The following MAPK10 variants were observed in gnomAD, a reference collection of about 807,000 sequenced individuals.
MAPK10 encodes the protein mitogen-activated protein kinase 10.
Under a neutral mutation model 59.3 loss-of-function variants are expected in MAPK10, and 25 were observed. The ratio of observed to expected loss-of-function variants is 0.42; its 90% CI spans 0.31 to 0.59. MAPK10 has a LOEUF of 0.59. Ranked by LOEUF, MAPK10 falls within the 20% of genes least tolerant of loss-of-function variation. MAPK10 has a pLI of 0.15. For synonymous variants in MAPK10, 190 were observed against 200.5 expected, an observed-to-expected ratio of 0.95 and a Z score of 0.44; for missense variants, 351 against 568.9, an observed-to-expected ratio of 0.62 and a Z score of 3.90.
intron 1 of MAPK10, among the ~76,000 whole-genome samples, chr4:86,440,936 TAG>T (rs1749340498): frequency 6.6e-6 from 1 of 152,158 alleles, no homozygotes; most frequent in African/African-American, 2.4e-5. Context: ...AGTATTGCTT[TAG>T]TAATGGGGAA....
At chr4:86,501,026 T>C (rs1480875597) in intron 1 of MAPK10, among the ~76,000 whole-genome samples, 2 of 145,610 alleles carry the variant, frequency 1.4e-5, no homozygotes, top group African/African-American at 5.1e-5. Flanking sequence ...GGTAAAAACA[T>C]GATACTTTGG....
chr4:86,284,423 C>G (rs375590185), intron 2 of MAPK10, among the ~76,000 whole-genome samples: 3 of 152,114 alleles, frequency 2.0e-5, no homozygotes, highest in African/African-American at 4.8e-5. Flanking sequence ...TTCCTCTGAA[C>G]GACTTCCATT....
chr4:86,044,598 A>G, intron 11 of MAPK10: 1 of 394,892 alleles, frequency 2.5e-6, no homozygotes. Context: ...TGATTTCTGG[A>G]CAGATATATC....
At chr4:86,256,855 T>C (rs1036078620) in intron 2 of MAPK10, among the ~76,000 whole-genome samples, 18 of 150,432 alleles carry the variant, frequency 1.2e-4, no homozygotes, top group African/African-American at 1.7e-4. Context: ...ATTCTCCTGC[T>C]TCAGCCTCCC....
intron 2 of MAPK10, among the ~76,000 whole-genome samples, chr4:86,201,768 C>T (rs917802758): frequency 7.9e-5 from 12 of 151,804 alleles, no homozygotes; most frequent in Admixed American, 3.3e-4. Context: ...CCCAGGTTCA[C>T]AGAGATATTC....
chr4:86,492,157 A>G (rs186437259), intron 1 of MAPK10, among the ~76,000 whole-genome samples: 1 of 152,216 alleles, frequency 6.6e-6, no homozygotes, highest in African/African-American at 2.4e-5. Context: ...TAAGGGTAAG[A>G]GAAGTAAGAA....
chr4:86,519,755 AG>A (rs1414537016), intron 1 of MAPK10, among the ~76,000 whole-genome samples: 2 of 151,962 alleles, frequency 1.3e-5, no homozygotes, highest in African/African-American at 4.8e-5. Flanking sequence ...GGGTATTTTG[AG>A]GTTTTATTTC....
chr4:86,292,138 A>G (rs1002167619), intron 2 of MAPK10, among the ~76,000 whole-genome samples: 2 of 152,214 alleles, frequency 1.3e-5, no homozygotes, highest in Non-Finnish European at 2.9e-5. Flanking sequence ...TATTTGTCTA[A>G]TTATTAGAGT....
intron 9 of MAPK10, among the ~76,000 whole-genome samples, chr4:86,071,506 T>A (rs923212082): frequency 2.1e-5 from 3 of 146,190 alleles, no homozygotes; most frequent in Non-Finnish European, 4.5e-5. Flanking sequence ...GGTTTTCTTC[T>A]AGGGTTTTTA....
At chr4:86,384,197 G>A (rs1049062082) in intron 1 of MAPK10, 1 of 152,138 alleles carries the variant, frequency 6.6e-6, no homozygotes, top group Non-Finnish European at 1.5e-5. Context: ...ACTTTAGAGT[G>A]CCATCTGTGT....
At chr4:86,168,451 G>A (rs142457343) in intron 3 of MAPK10, among the ~76,000 whole-genome samples, 16 of 152,286 alleles carry the variant, frequency 1.1e-4, no homozygotes, top group East Asian at 3.9e-4. Flanking sequence ...ACGGAGTCTC[G>A]CTGATTGCTA....
rs1751723956 is a variant in MAPK10 at position 86,461,335 on chromosome 4, AG to A, written c.-262-106692del. The stretch of plus-strand genomic sequence containing the variant: ...AACTTGAAGTGGATGGGGAAGGCAC[AG>A]GGTCTGGAGGGGCTCCAAGTCACAG... On this transcript the variant is annotated intron_variant, in intron 1 of 4. Transcript: ENST00000502302. 2.0e-5 allele frequency among the ~76,000 whole-genome samples: 3 copies of A among 152,192 alleles called. No homozygotes were observed. In the South Asian group the frequency reaches 6.2e-4, roughly 31 times the overall value.
intron 2 of MAPK10, among the ~76,000 whole-genome samples, chr4:86,343,496 A>G (rs986193273): frequency 2.0e-5 from 3 of 152,168 alleles, no homozygotes; most frequent in Non-Finnish European, 4.4e-5. Context: ...GATTTTTTCA[A>G]GGGTGTTACA....
chr4:86,143,334 A>G (rs1454009212), intron 4 of MAPK10, among the ~76,000 whole-genome samples: 1 of 152,176 alleles, frequency 6.6e-6, no homozygotes, highest in Non-Finnish European at 1.5e-5. Context: ...AACCATATCA[A>G]TATCCTTATA....
intron 1 of MAPK10, among the ~76,000 whole-genome samples, chr4:86,424,859 G>A (rs536870169): frequency 6.6e-6 from 1 of 152,302 alleles, no homozygotes; most frequent in South Asian, 2.1e-4. Context: ...GCTGACTCCA[G>A]TAATTCAAGC....
intron 2 of MAPK10, among the ~76,000 whole-genome samples, chr4:86,218,031 T>C (rs950886687): frequency 1.3e-5 from 2 of 152,112 alleles, no homozygotes; most frequent in Non-Finnish European, 2.9e-5. Context: ...CCAATTATCA[T>C]CACACTGATT....
chr4:86,551,306 G>C (rs927066614), intron 1 of MAPK10, among the ~76,000 whole-genome samples: 1 of 152,054 alleles, frequency 6.6e-6, no homozygotes, highest in Non-Finnish European at 1.5e-5. Flanking sequence ...TTAAAATTTT[G>C]TTTTGCTTTT....
rs144709816 is a variant in MAPK10 at position 86,387,205 on chromosome 4, G to A, written c.-121-32561C>T. On this transcript the variant is annotated intron_variant, in intron 1 of 13. Transcript: ENST00000361569. ...GGAGCTGGTCACGTTACGGCTGGTT[G>A]TTTGGGGAAGTGGGCAATGATGATT... is the stretch of plus-strand genomic sequence containing the variant. Among the ~76,000 whole-genome samples, 190 of 152,282 alleles carry A rather than the reference G, an allele frequency of 1.2e-3. 2 individuals are homozygous for A. The East Asian group carries it at 0.031, about 25-fold the overall frequency.
intron 1 of MAPK10, among the ~76,000 whole-genome samples, chr4:86,394,446 T>C: frequency 6.6e-6 from 1 of 152,178 alleles, no homozygotes; most frequent in Non-Finnish European, 1.5e-5. Flanking sequence ...AAAACATATA[T>C]ATCTTGAAAA....
Sources: gnomAD v4.1 joint callset for allele counts (sites outside exome capture counted in the v4.1 genomes callset) on GRCh38, gnomAD v4.1.1 for gene constraint, MANE v1.5 for transcripts, NCBI Gene and HGNC (gene_info 2026-07-23, HGNC 2026-07-21) for gene names.